The following ZXDC variants were observed in gnomAD, a reference collection of about 807,000 sequenced individuals.
The protein encoded by ZXDC is zinc finger protein ZXDC.
A neutral mutation model predicts 63.6 loss-of-function variants in ZXDC; 58 were observed. The observed-to-expected ratio is 0.91, with a 90% CI of 0.74 to 1.13. The LOEUF (loss-of-function observed/expected upper bound fraction) is 1.13, where lower values mean the gene tolerates loss of function less well. Among genes scored for constraint, ZXDC ranks in the 50% most tolerant of loss-of-function variants. The probability of loss-of-function intolerance (pLI) is 0.00; values close to 1 mark genes in which losing one functional copy is unlikely to be tolerated. For missense variants in ZXDC, 1,133 were observed against 1,148.9 expected (o/e 0.99, Z 0.20); for synonymous variants, 561 against 496.1 (o/e 1.13, Z -1.74).
chr3:126,441,569 G>A (rs1576658964), intron 8 of ZXDC, 196 bp downstream of exon 8: 2 of 1,334,230 alleles, frequency 1.5e-6, no homozygotes, highest in East Asian at 5.7e-5. Flanking sequence ...GCAGATGCAG[G>A]ACAGGCTGGG....
chr3:126,462,656 C>T (rs1156782936), intron 5 of ZXDC, among the ~76,000 whole-genome samples: 1 of 152,222 alleles, frequency 6.6e-6, no homozygotes, highest in Admixed American at 6.5e-5. Context: ...AACCTTTCCA[C>T]TCAGCTGCCA....
At chr3:126,468,764 C>T (rs1313006370) in intron 4 of ZXDC, among the ~76,000 whole-genome samples, 1 of 152,082 alleles carries the variant, frequency 6.6e-6, no homozygotes, top group Non-Finnish European at 1.5e-5. Context: ...AAGACAACCC[C>T]GCAGGTGGCA....
chr3:126,459,857 C>A, intron 6 of ZXDC, 120 bp from the exon 7 acceptor site: 1 of 1,571,312 alleles, frequency 6.4e-7, no homozygotes, highest in South Asian at 1.2e-5. Flanking sequence ...AAACCAGAGT[C>A]ACCAGCAAGG....
intron 7 of ZXDC, chr3:126,458,561 A>G: frequency 1.0e-6 from 1 of 983,468 alleles, no homozygotes. Context: ...TTTAAAGATA[A>G]TGCTGAAATA....
chr3:126,455,773 G>A (rs923267399), intron 7 of ZXDC, among the ~76,000 whole-genome samples: 6 of 152,078 alleles, frequency 3.9e-5, no homozygotes, highest in Non-Finnish European at 7.4e-5. Context: ...CGAGGCGGGC[G>A]GATCACAAGG....
At chr3:126,465,286 C>T (rs1395062198) in intron 5 of ZXDC, among the ~76,000 whole-genome samples, 1 of 152,268 alleles carries the variant, frequency 6.6e-6, no homozygotes, top group Non-Finnish European at 1.5e-5. Context: ...GCCGCCACCA[C>T]AGCTGCCAGG....
intron 8 of ZXDC, chr3:126,440,116 C>A (rs1933619736): frequency 9.7e-7 from 1 of 1,029,628 alleles, no homozygotes; most frequent in Non-Finnish European, 1.2e-6. Context: ...TCGGGCCCCA[C>A]AGAGGGCCTT....
rs201476388 is a variant in ZXDC, at chr3:126,461,713, G to C, written c.1949C>G (p.Ala650Gly). Residue 650 changes from alanine to glycine, a missense_variant, in exon 6 of 10, where the codon GCC becomes GGC. Coordinates refer to ENST00000389709, the MANE Select transcript of ZXDC (RefSeq NM_025112.5). ...PTSSSTPREN[A>G]SVPELLAPIK... ...TGGAGCCAGCAGTTCCGGGACACTG[G>C]CATTTTCTCGGGGGGTGCTCGAAGA... The C allele has an allele frequency of 5.1e-5, 83 of 1,614,030 alleles. No individual in the cohort carries two copies. The African/African-American group carries it at 1.0e-3, about 20-fold the overall frequency.
Position 126,461,564 on chromosome 3 carries a change from GCT to G in ZXDC, c.2096_2097del (p.Glu699AlafsTer19). 1 of 1,613,718 alleles carries G rather than the reference GCT, an allele frequency of 6.2e-7. No individual in the cohort carries two copies. The highest frequency in any genetic ancestry group is 8.5e-7 in the Non-Finnish European group (1 of 1,179,648). On this transcript the variant is annotated frameshift_variant, in exon 6 of 10. Coordinates refer to ENST00000389709, the MANE Select transcript of ZXDC (RefSeq NM_025112.5). LOFTEE classifies it high-confidence loss of function. ...TAGAAGTTGCCAGTGCCTGCACTGA[GCT>G]CTGTGTCCTGGGCACCGTGCTGCTC... is the stretch of plus-strand genomic sequence containing the variant. ...PAEQHGAQDT[E>X]LSAGTGNFYL...
intron 7 of ZXDC, among the ~76,000 whole-genome samples, chr3:126,447,917 C>G (rs1247575311): frequency 6.6e-6 from 1 of 152,208 alleles, no homozygotes; most frequent in Non-Finnish European, 1.5e-5. Flanking sequence ...ACACAGTGTT[C>G]CTGCATACCA....
At position 126,461,173 on chromosome 3, in the gene ZXDC, G is replaced by C. The variant is rs950150243; in HGVS notation, c.2127+362C>G. ...AACCTCTGAAGGTGGCTTATGTCTC[G>C]ACTCCTCTTCTAGGACTGGTCATGA... is the stretch of plus-strand genomic sequence containing the variant. On this transcript the variant is annotated intron_variant, in intron 6 of 9. Coordinates refer to ENST00000389709, the MANE Select transcript of ZXDC (RefSeq NM_025112.5). 74 of 1,003,374 alleles carry C rather than the reference G, an allele frequency of 7.4e-5. No homozygotes were observed. In the African/African-American group the frequency reaches 1.2e-3, roughly 17 times the overall value. The allele number at this position is 1,003,374 out of a possible 1,614,324, so 62.2% of individuals were successfully genotyped here.
At chr3:126,461,179 T>C in intron 6 of ZXDC, 3 of 1,009,084 alleles carry the variant, frequency 3.0e-6, no homozygotes, top group Non-Finnish European at 3.5e-6. Context: ...TCTCGACTCC[T>C]CTTCTAGGAC....
At chr3:126,465,470 T>C (rs1010134459) in intron 5 of ZXDC, among the ~76,000 whole-genome samples, 4 of 152,200 alleles carry the variant, frequency 2.6e-5, no homozygotes, top group African/African-American at 9.6e-5. Flanking sequence ...TTACTCCCAG[T>C]CCACTCCTGA....
chr3:126,459,174 G>C (rs1560097876), intron 7 of ZXDC: 3 of 985,310 alleles, frequency 3.0e-6, no homozygotes, highest in South Asian at 4.7e-5. Context: ...CTTTAAAAAT[G>C]CAAGTAAGTT....
At chr3:126,459,379 T>C (rs927436543) in intron 7 of ZXDC, 83 of 985,330 alleles carry the variant, frequency 8.4e-5, no homozygotes, top group Non-Finnish European at 9.9e-5. Flanking sequence ...TTATTTACCT[T>C]AGTAGCCTTC....
At chr3:126,466,041 A>G in intron 5 of ZXDC, 114 bp downstream of exon 5, 2 of 1,315,418 alleles carry the variant, frequency 1.5e-6, no homozygotes, top group Non-Finnish European at 2.1e-6. Flanking sequence ...AGCCACGCCC[A>G]CAACCCCACT....
Position 126,466,161 on chromosome 3 carries a change from G to A in ZXDC, c.1435C>T (p.Arg479Cys), listed in dbSNP as rs759065274. ...GGCCGTGGAAAGTGCAGACCTTGGC[G>A]CCGGCTGTGCTGTCTGACCATGTGC... ...KAHMVRQHSRRQDLLPQLEAP... is the reference protein window; with the variant it reads ...KAHMVRQHSRCQDLLPQLEAP... Residue 479 changes from arginine to cysteine, a missense_variant, in exon 5 of 10, where the codon CGC becomes TGC. Arg to Cys is a radical substitution (Grantham distance 180). Coordinates refer to ENST00000389709, the MANE Select transcript of ZXDC (RefSeq NM_025112.5). 16 of 1,612,410 alleles carry A rather than the reference G, an allele frequency of 9.9e-6. No homozygotes were observed. Among genetic ancestry groups the A allele is most frequent in the Admixed American group, 3.4e-5 (2 of 59,698 alleles).
chr3:126,468,248 C>A (rs1237665740), intron 4 of ZXDC, among the ~76,000 whole-genome samples: 1 of 152,100 alleles, frequency 6.6e-6, no homozygotes, highest in South Asian at 2.1e-4. Flanking sequence ...GAGGCCGCAA[C>A]GAGGCCACCC....
At chr3:126,473,029 G>C (rs1935037857) in intron 1 of ZXDC, among the ~76,000 whole-genome samples, 1 of 152,158 alleles carries the variant, frequency 6.6e-6, no homozygotes, top group Non-Finnish European at 1.5e-5. Context: ...AGCCTTTAAC[G>C]AGATACTATC....
Sources: gnomAD v4.1 joint callset for allele counts (sites outside exome capture counted in the v4.1 genomes callset) on GRCh38, gnomAD v4.1.1 for gene constraint, MANE v1.5 for transcripts, NCBI Gene and HGNC (gene_info 2026-07-23, HGNC 2026-07-21) for gene names.